The following PLEKHM3 variants were observed in gnomAD, a reference collection of about 807,000 sequenced individuals.
PLEKHM3 encodes the protein pleckstrin homology domain containing M3.
PLEKHM3 carries 45 observed loss-of-function variants against 81.8 expected under a neutral mutation model. That is an observed-to-expected ratio of 0.55 (90% confidence interval 0.43 to 0.71). The LOEUF is 0.71. Ranked by LOEUF, PLEKHM3 falls within the 30% of genes least tolerant of loss-of-function variation. The pLI, the probability that PLEKHM3 is intolerant of heterozygous loss-of-function variation, is 0.00. For missense variants in PLEKHM3, 788 were observed against 924.3 expected, an observed-to-expected ratio of 0.85 and a Z score of 1.91; for synonymous variants, 352 against 356.4, an observed-to-expected ratio of 0.99 and a Z score of 0.14.
chr2:207,881,206 G>A (rs1336915438), intron 6 of PLEKHM3, among the ~76,000 whole-genome samples: 2 of 152,052 alleles, frequency 1.3e-5, no homozygotes, highest in African/African-American at 4.8e-5. Flanking sequence ...ATCTTATACA[G>A]GCATTCAAAC....
intron 6 of PLEKHM3, chr2:207,868,715 C>T (rs2092516161): frequency 6.6e-6 from 1 of 152,178 alleles, no homozygotes; most frequent in African/African-American, 2.4e-5. Flanking sequence ...GATTTAGACT[C>T]ATTCCTCCTT....
chr2:207,897,816 G>A (rs566164456), intron 6 of PLEKHM3, among the ~76,000 whole-genome samples: 1 of 152,346 alleles, frequency 6.6e-6, no homozygotes, highest in East Asian at 1.9e-4. Context: ...ACAAAGCAAT[G>A]TCAGGGTGAG....
chr2:207,923,606 T>TCA (rs1389426416), intron 5 of PLEKHM3, among the ~76,000 whole-genome samples: 3 of 151,464 alleles, frequency 2.0e-5, no homozygotes, highest in Non-Finnish European at 2.9e-5. Context: ...AAACTCTGTC[T>TCA]CACACACACA....
chr2:207,841,713 C>T (rs6728825), intron 7 of PLEKHM3, among the ~76,000 whole-genome samples: 48,493 of 151,254 alleles, frequency 0.32, 8,065 homozygotes, highest in African/African-American at 0.4. Flanking sequence ...GCCACCTTTA[C>T]CATGTATTAA....
At chr2:207,995,754 C>G (rs1166778722) in intron 2 of PLEKHM3, among the ~76,000 whole-genome samples, 2 of 152,188 alleles carry the variant, frequency 1.3e-5, no homozygotes, top group Non-Finnish European at 2.9e-5. Flanking sequence ...CACCTGGGCT[C>G]TCTCACTCAC....
Position 207,967,700 on chromosome 2 carries a change from C to G in PLEKHM3, c.1546+8951G>C, listed in dbSNP as rs111802318. Among the ~76,000 whole-genome samples the G allele has an allele frequency of 7.9e-5, 12 of 152,276 alleles. No individual in the cohort carries two copies. In the South Asian group the frequency reaches 1.0e-3, roughly 13 times the overall value. On this transcript the variant is annotated intron_variant, in intron 3 of 7. Transcript: ENST00000427836. ...AACCGCAAATTACTTTTGCACAAAC[C>G]TAATAATAACAGCTAGCCTCATATG...
chr2:207,864,806 T>C (rs971089389), intron 6 of PLEKHM3, among the ~76,000 whole-genome samples: 4 of 152,238 alleles, frequency 2.6e-5, no homozygotes, highest in Non-Finnish European at 4.4e-5. Flanking sequence ...CTGTATAATA[T>C]TCAGTCTTCC....
chr2:208,006,694 C>T (rs150788051), intron 1 of PLEKHM3, among the ~76,000 whole-genome samples: 23 of 152,314 alleles, frequency 1.5e-4, no homozygotes, highest in Non-Finnish European at 2.6e-4. Flanking sequence ...ATCTGTCAGT[C>T]CAACAAAGGC....
intron 1 of PLEKHM3, among the ~76,000 whole-genome samples, chr2:208,024,993 C>T (rs536449766): frequency 6.6e-6 from 1 of 152,312 alleles, no homozygotes; most frequent in Admixed American, 6.5e-5. Flanking sequence ...ACATTAAAAA[C>T]GGACAGAGTC....
intron 3 of PLEKHM3, among the ~76,000 whole-genome samples, chr2:207,957,141 G>A (rs1263326245): frequency 6.6e-6 from 1 of 151,990 alleles, no homozygotes. Flanking sequence ...AGGTGGTTTG[G>A]GGGAGAAAAT....
intron 1 of PLEKHM3, among the ~76,000 whole-genome samples, chr2:208,011,146 T>C (rs1553566929): frequency 4.0e-5 from 6 of 151,634 alleles, no homozygotes; most frequent in Non-Finnish European, 8.8e-5. Flanking sequence ...GGTGGGAATG[T>C]AAGATAGTAC....
At chr2:207,972,241 T>G (rs2106020185) in intron 3 of PLEKHM3, among the ~76,000 whole-genome samples, 1 of 151,394 alleles carries the variant, frequency 6.6e-6, no homozygotes, top group South Asian at 2.1e-4. Flanking sequence ...AGTGTAAGGG[T>G]CCTAGAGGTA....
rs1375721326 is a variant in PLEKHM3, at chr2:207,984,212, A to G, written c.611-6626T>C. ...TTTTTTATTTGTTTTTCTTGCTGGT[A>G]TGTTTGAAAGCAAATCACAGACATT... On this transcript the variant is annotated intron_variant, in intron 2 of 7. Coordinates refer to ENST00000427836, the MANE Select transcript of PLEKHM3 (RefSeq NM_001080475.3). 2.0e-5 allele frequency among the ~76,000 whole-genome samples: 3 copies of G among 152,132 alleles called. No individual in the cohort carries two copies. The East Asian group carries it at 5.8e-4, about 29-fold the overall frequency.
chr2:207,905,354 T>A (rs1319160030), intron 6 of PLEKHM3, among the ~76,000 whole-genome samples: 1 of 152,190 alleles, frequency 6.6e-6, no homozygotes, highest in Non-Finnish European at 1.5e-5. Context: ...AGCAGGATGA[T>A]GAAGCAGTCC....
At chr2:207,948,947 G>A (rs968101980) in intron 3 of PLEKHM3, among the ~76,000 whole-genome samples, 2 of 151,914 alleles carry the variant, frequency 1.3e-5, no homozygotes, top group African/African-American at 2.4e-5. Context: ...AAAGTGCTAG[G>A]ATTACAGGTG....
intron 1 of PLEKHM3, among the ~76,000 whole-genome samples, chr2:208,004,455 T>C (rs1692429126): frequency 6.6e-6 from 1 of 151,734 alleles, no homozygotes; most frequent in African/African-American, 2.4e-5. Flanking sequence ...TTGTTGGCCA[T>C]GCTGGTTGGT....
chr2:207,991,030 G>A (rs1559273126), intron 2 of PLEKHM3, among the ~76,000 whole-genome samples: 1 of 152,112 alleles, frequency 6.6e-6, no homozygotes, highest in Non-Finnish European at 1.5e-5. Context: ...TACATTCCTG[G>A]CCAATTTTTC....
intron 3 of PLEKHM3, among the ~76,000 whole-genome samples, chr2:207,968,013 C>T (rs917684536): frequency 6.6e-6 from 1 of 151,960 alleles, no homozygotes; most frequent in Non-Finnish European, 1.5e-5. Context: ...AGACAACAAT[C>T]CTTGAGTAAA....
At chr2:207,875,799 CT>C (rs1007101473) in intron 6 of PLEKHM3, among the ~76,000 whole-genome samples, 3 of 152,126 alleles carry the variant, frequency 2.0e-5, no homozygotes, top group African/African-American at 7.2e-5. Flanking sequence ...CAGTGAGGCC[CT>C]GTCTCTTAAA....
Sources: gnomAD v4.1 joint callset for allele counts (sites outside exome capture counted in the v4.1 genomes callset) on GRCh38, gnomAD v4.1.1 for gene constraint, MANE v1.5 for transcripts, NCBI Gene and HGNC (gene_info 2026-07-23, HGNC 2026-07-21) for gene names.